The following CXorf58 variants were observed in gnomAD, a reference collection of about 807,000 sequenced individuals.
CXorf58 encodes the protein uncharacterized protein CXorf58.
CXorf58 carries 24 observed loss-of-function variants against 26.0 expected under a neutral mutation model. That is an observed-to-expected ratio of 0.92 (90% CI 0.67 to 1.30). The LOEUF is 1.30. Among genes scored for constraint, CXorf58 ranks in the 50% most tolerant of loss-of-function variants. The pLI, the probability that CXorf58 is intolerant of heterozygous loss-of-function variation, is 0.00. For missense variants in CXorf58, 236 were observed against 263.9 expected (o/e 0.89, Z 0.73); for synonymous variants, 87 against 86.1 (o/e 1.01, Z -0.06).
Position 23,927,334 on chromosome X carries a change from T to TA in CXorf58, c.520dup (p.Ile174AsnfsTer19), listed in dbSNP as rs771603451. 1.8e-4 allele frequency: 208 copies of TA among 1,174,427 alleles called. No homozygotes were observed. The highest frequency in any genetic ancestry group is 2.3e-4 in the Non-Finnish European group (198 of 872,853). On this transcript the variant is annotated frameshift_variant, in exon 6 of 9. Coordinates refer to ENST00000379211, the MANE Select transcript of CXorf58 (RefSeq NM_152761.3). LOFTEE classifies it high-confidence loss of function. ...TTTTCCCGAAGTCCAAAGTAACTGATATAATGGATGTTGTCACCATGCAAG... is the reference window on the plus strand; with the variant it reads ...TTTTCCCGAAGTCCAAAGTAACTGATAATAATGGATGTTGTCACCATGCAAG...
At chrX:23,931,072 C>T (rs1473242298) in intron 6 of CXorf58, among the ~76,000 whole-genome samples, 1 of 112,086 alleles carries the variant, frequency 8.9e-6, no homozygotes, top group African/African-American at 3.2e-5. Flanking sequence ...CCCACAATAT[C>T]TCTGAGATAT....
rs541035945 is a variant in CXorf58, at chrX:23,927,657, G to T, written c.555+287G>T. ...TGTTATTGTATATAGGTAAACTCGT[G>T]TCAAGGGGGTTTGTTGTTCAGATTA... is the stretch of plus-strand genomic sequence containing the variant. On this transcript the variant is annotated intron_variant, in intron 6 of 8. Coordinates refer to ENST00000379211, the MANE Select transcript of CXorf58 (RefSeq NM_152761.3). Among the ~76,000 whole-genome samples the T allele has an allele frequency of 1.1e-4, 12 of 110,440 alleles. No homozygotes were observed. In the South Asian group the frequency reaches 4.6e-3, roughly 42 times the overall value.
chrX:23,915,167 TGTAAGGATTA>T (rs1176465920), intron 3 of CXorf58, among the ~76,000 whole-genome samples: 2 of 112,453 alleles, frequency 1.8e-5, no homozygotes, highest in East Asian at 5.5e-4. Flanking sequence ...GTGTTGCTGA[TGTAAGGATTA>T]AATGAGCTAA....
At chrX:23,916,174 C>CA (rs1323720780) in intron 4 of CXorf58, 43 bp from the exon 5 acceptor site, 1 of 906,892 alleles carries the variant, frequency 1.1e-6, no homozygotes, top group Non-Finnish European at 1.6e-6. Flanking sequence ...CAACTGAGCC[C>CA]AAAACCTGAT....
In CXorf58 at chrX:23,938,815, T is replaced by G. The variant is rs1928356963; in HGVS notation, c.939+115T>G. On this transcript the variant is annotated intron_variant, in intron 8 of 8. Transcript: ENST00000379211. ...ATCTAAAGTTCAAGGCTGAAACACA[T>G]TTGACACATTTATCATAGGTAGTAT... 6.0e-6 allele frequency: 3 copies of G among 495,881 alleles called. No homozygotes were observed. The Admixed American group carries it at 1.2e-4, about 20-fold the overall frequency. 40.9% of individuals were successfully genotyped at this position (495,881 alleles called of 1,213,427 possible).
intron 5 of CXorf58, among the ~76,000 whole-genome samples, chrX:23,919,388 A>G (rs1343248602): frequency 1.8e-5 from 2 of 111,663 alleles, no homozygotes; most frequent in Non-Finnish European, 3.8e-5. Context: ...TGTCCATTGC[A>G]TTTTTCAGCT....
chrX:23,924,295 ATCTT>A (rs1204908348), intron 5 of CXorf58, among the ~76,000 whole-genome samples: 1 of 99,362 alleles, frequency 1.0e-5, no homozygotes, highest in Non-Finnish European at 2.0e-5. Context: ...TGCCAATACT[ATCTT>A]TATTTTATTT....
chrX:23,926,881 T>C (rs1212633041), intron 5 of CXorf58, among the ~76,000 whole-genome samples: 1 of 111,552 alleles, frequency 9.0e-6, no homozygotes, highest in African/African-American at 3.3e-5. Flanking sequence ...TAGCCAGGTG[T>C]GGTGGCATGC....
chrX:23,916,108 C>T, intron 4 of CXorf58, 109 bp from the exon 5 acceptor site: 1 of 475,141 alleles, frequency 2.1e-6, no homozygotes, highest in Non-Finnish European at 3.6e-6. Flanking sequence ...TCTGACATAG[C>T]CTTTACCCTG....
chrX:23,921,082 T>A (rs1216027401), intron 5 of CXorf58, among the ~76,000 whole-genome samples: 2 of 110,640 alleles, frequency 1.8e-5, no homozygotes, highest in Non-Finnish European at 3.8e-5. Flanking sequence ...ATATCATCAA[T>A]TGTTTCTTTC....
intron 5 of CXorf58, among the ~76,000 whole-genome samples, chrX:23,920,957 A>G (rs1237656008): frequency 8.1e-5 from 9 of 110,896 alleles, no homozygotes; most frequent in African/African-American, 2.6e-4. Flanking sequence ...GTGTTTCAAG[A>G]ACATTAATAT....
intron 6 of CXorf58, among the ~76,000 whole-genome samples, chrX:23,933,828 C>T (rs757842446): frequency 9.3e-5 from 10 of 108,027 alleles, no homozygotes; most frequent in Non-Finnish European, 1.7e-4. Flanking sequence ...TGCAGTGAGC[C>T]GAGATCGTGT....
chrX:23,938,585 A>G lies in CXorf58; in HGVS notation c.824A>G (p.Tyr275Cys), dbSNP rs2147081327. The G allele has an allele frequency of 8.4e-7, 1 of 1,196,982 alleles. No individual in the cohort carries two copies. Among genetic ancestry groups the G allele is most frequent in the East Asian group, 3.0e-5 (1 of 33,479 alleles). Residue 275 changes from tyrosine to cysteine, a missense_variant, in exon 8 of 9, where the codon TAC becomes TGC. Physicochemically the swap from Tyr to Cys is radical, Grantham distance 194. Transcript: ENST00000379211. ...ACTGTCCAACCTCTATATCGGCCCTACAAACAGCAAAATCAAGTTAAATTT... is the reference window on the plus strand; with the variant it reads ...ACTGTCCAACCTCTATATCGGCCCTGCAAACAGCAAAATCAAGTTAAATTT... ...YLTVQPLYRP[Y>C]KQQNQVKFLG...
In CXorf58 at chrX:23,916,251, T is replaced by C. The variant is rs749999780; in HGVS notation, c.346T>C (p.Phe116Leu). ...RGETFPPFIV[F>L]KIFLHTDGHG... The stretch of plus-strand genomic sequence containing the variant: ...TGAAACGTTTCCACCTTTCATCGTG[T>C]TTAAAATTTTTCTTCATACTGATGG... The change falls in exon 5 of 9, where the codon TTT becomes CTT. Residue 116 changes from phenylalanine to leucine, a missense_variant. Coordinates refer to ENST00000379211, the MANE Select transcript of CXorf58 (RefSeq NM_152761.3). 1 of 1,198,990 alleles carries C rather than the reference T, an allele frequency of 8.3e-7. No homozygotes were observed. Among genetic ancestry groups the C allele is most frequent in the Non-Finnish European group, 1.1e-6 (1 of 887,159 alleles).
intron 1 of CXorf58, among the ~76,000 whole-genome samples, chrX:23,908,572 A>G: frequency 8.9e-6 from 1 of 112,274 alleles, no homozygotes; most frequent in Non-Finnish European, 1.9e-5. Context: ...AGTAATTTGT[A>G]CAAGACCACA....
intron 3 of CXorf58, among the ~76,000 whole-genome samples, chrX:23,914,343 C>T (rs1414226661): frequency 9.0e-6 from 1 of 111,333 alleles, no homozygotes; most frequent in African/African-American, 3.3e-5. Flanking sequence ...GCTTTGGCCT[C>T]CCAAAGTGCC....
At chrX:23,918,107 G>C (rs1938103033) in intron 5 of CXorf58, among the ~76,000 whole-genome samples, 1 of 111,780 alleles carries the variant, frequency 8.9e-6, no homozygotes, top group African/African-American at 3.2e-5. Flanking sequence ...AATTCATTCA[G>C]CCACTCTATA....
chrX:23,938,968 G>C (rs1473773041), intron 8 of CXorf58, among the ~76,000 whole-genome samples: 3 of 111,623 alleles, frequency 2.7e-5, no homozygotes, highest in Non-Finnish European at 5.6e-5. Flanking sequence ...TCTGTATGTT[G>C]ACACTGTTGA....
chrX:23,911,785 A>C lies in CXorf58; in HGVS notation c.145A>C (p.Ile49Leu). 2 of 1,198,789 alleles carry C rather than the reference A, an allele frequency of 1.7e-6. No individual in the cohort carries two copies. The highest frequency in any genetic ancestry group is 3.6e-5 in the South Asian group (2 of 55,420). ...GCTTAAAGACATTTCAGCTCAAATA[A>C]TACAGAGGGCTTGGTTATCTCATAC... ...SMLKDISAQI[I>L]QRAWLSHTNK... is the part of the protein sequence containing the mutation. The change falls in exon 3 of 9, where the codon ATA (isoleucine) becomes CTA (leucine). Residue 49 changes from isoleucine to leucine, a missense_variant. By Grantham distance (5) the Ile-to-Leu change is conservative. Transcript: ENST00000379211.
Sources: gnomAD v4.1 joint callset for allele counts (sites outside exome capture counted in the v4.1 genomes callset) on GRCh38, gnomAD v4.1.1 for gene constraint, MANE v1.5 for transcripts, NCBI Gene and HGNC (gene_info 2026-07-23, HGNC 2026-07-21) for gene names.